Variants in LRP1B observed in about 807,000 individuals in gnomAD.
LRP1B encodes LDL receptor related protein 1B.
In LRP1B, 217 loss-of-function variants were observed where a neutral mutation model predicts 556.6. That is an observed-to-expected ratio of 0.39 (90% CI 0.35 to 0.44). The LOEUF is 0.44. Ranked by LOEUF, LRP1B falls within the 20% of genes least tolerant of loss-of-function variation. LRP1B has a pLI of 1.00. For synonymous variants in LRP1B, 2,047 were observed against 1,865.8 expected (o/e 1.10, Z -2.50); for missense variants, 5,053 against 5,620.8 (o/e 0.90, Z 3.23).
chr2:140,234,640 AT>A, intron 90 of LRP1B, 145 bp downstream of exon 90: 1 of 580,940 alleles, frequency 1.7e-6, no homozygotes, highest in Non-Finnish European at 3.1e-6. Context: ...GACACATAAC[AT>A]AAGCCCCCAA....
At chr2:141,417,675 G>C (rs1413134137) in intron 3 of LRP1B, among the ~76,000 whole-genome samples, 1 of 151,748 alleles carries the variant, frequency 6.6e-6, no homozygotes, top group Non-Finnish European at 1.5e-5. Context: ...GAACATGGGA[G>C]TGCAAATATC....
intron 2 of LRP1B, among the ~76,000 whole-genome samples, chr2:141,510,227 CACACACA>C (rs1684075352): frequency 6.6e-6 from 1 of 150,412 alleles, no homozygotes; most frequent in African/African-American, 2.5e-5. Flanking sequence ...CACACACACA[CACACACA>C]CCCCCCACAG....
rs534405488 is a variant in LRP1B at position 141,565,680 on chromosome 2, C to T, written c.206-85147G>A. On this transcript the variant is annotated intron_variant, in intron 2 of 90. Coordinates refer to ENST00000389484, the MANE Select transcript of LRP1B (RefSeq NM_018557.3). ...TGCACTATTTTGTGCTTTACGCATA[C>T]GCGTATATGAAATGGCAAAATATAT... 1.6e-4 allele frequency among the ~76,000 whole-genome samples: 25 copies of T among 152,276 alleles called. 1 individual carries two copies. The South Asian group carries it at 3.9e-3, about 24-fold the overall frequency.
Position 141,579,228 on chromosome 2 carries a change from T to C in LRP1B, c.206-98695A>G, listed in dbSNP as rs1686867552. On this transcript the variant is annotated intron_variant, in intron 2 of 90. Coordinates refer to ENST00000389484, the MANE Select transcript of LRP1B (RefSeq NM_018557.3). Reference sequence around the variant, plus strand: ...AACAGATTCAGTGAATAATAACTCATTGAAATTGAGGCAGTTACAGTCACA... The same window carrying C: ...AACAGATTCAGTGAATAATAACTCACTGAAATTGAGGCAGTTACAGTCACA... 3.3e-5 allele frequency among the ~76,000 whole-genome samples: 5 copies of C among 152,148 alleles called. No homozygotes were observed. The South Asian group carries it at 1.0e-3, about 32-fold the overall frequency.
At chr2:140,628,795 T>A (rs769746598) in intron 41 of LRP1B, among the ~76,000 whole-genome samples, 3 of 152,116 alleles carry the variant, frequency 2.0e-5, no homozygotes, top group Non-Finnish European at 2.9e-5. Flanking sequence ...GGTGATTGGA[T>A]CATGGAGGTG....
chr2:140,256,190 A>G (rs2104916773), intron 86 of LRP1B, among the ~76,000 whole-genome samples: 1 of 152,126 alleles, frequency 6.6e-6, no homozygotes, highest in South Asian at 2.1e-4. Flanking sequence ...ACCGTATGCA[A>G]GTTTTGGAAT....
chr2:141,278,543 C>T (rs1477150268), intron 3 of LRP1B, among the ~76,000 whole-genome samples: 8 of 152,124 alleles, frequency 5.3e-5, no homozygotes, highest in Admixed American at 6.5e-5. Context: ...GAGTGAATTT[C>T]CTAAGGCTAT....
At chr2:140,729,658 C>T (rs1033829620) in intron 35 of LRP1B, among the ~76,000 whole-genome samples, 5 of 152,126 alleles carry the variant, frequency 3.3e-5, no homozygotes, top group African/African-American at 9.7e-5. Context: ...CAAGAAGCCT[C>T]CTTCAATCTT....
chr2:140,519,375 T>G (rs1371011013), intron 49 of LRP1B, among the ~76,000 whole-genome samples: 1 of 152,190 alleles, frequency 6.6e-6, no homozygotes, highest in African/African-American at 2.4e-5. Flanking sequence ...ATTCTCTATT[T>G]AATAAATGGT....
At chr2:141,750,438 C>T (rs1055901721) in intron 2 of LRP1B, among the ~76,000 whole-genome samples, 1 of 152,098 alleles carries the variant, frequency 6.6e-6, no homozygotes, top group Non-Finnish European at 1.5e-5. Flanking sequence ...AGCTTCTTCC[C>T]TCTGAAACCA....
At chr2:141,022,999 ACTT>A (rs1276479489) in intron 11 of LRP1B, among the ~76,000 whole-genome samples, 1 of 151,840 alleles carries the variant, frequency 6.6e-6, no homozygotes, top group Admixed American at 6.6e-5. Context: ...ACATGTTTGT[ACTT>A]CTTAAGAAAA....
chr2:141,060,384 G>A (rs574736207), intron 8 of LRP1B, among the ~76,000 whole-genome samples: 1 of 151,524 alleles, frequency 6.6e-6, no homozygotes, highest in African/African-American at 2.4e-5. Context: ...TTTATGTGTG[G>A]GTCCAGGCAT....
chr2:141,975,390 C>A (rs1701856739), intron 1 of LRP1B, among the ~76,000 whole-genome samples: 1 of 152,054 alleles, frequency 6.6e-6, no homozygotes, highest in Non-Finnish European at 1.5e-5. Flanking sequence ...AAATTAGCCT[C>A]CTCCTTCATG....
intron 3 of LRP1B, among the ~76,000 whole-genome samples, chr2:141,404,093 C>G (rs1488665229): frequency 6.6e-6 from 1 of 152,102 alleles, no homozygotes; most frequent in Non-Finnish European, 1.5e-5. Context: ...ATCATTAAGT[C>G]ATAAAAAGTT....
chr2:142,078,469 G>A (rs570263440), intron 1 of LRP1B, among the ~76,000 whole-genome samples: 1 of 152,140 alleles, frequency 6.6e-6, no homozygotes, highest in East Asian at 1.9e-4. Flanking sequence ...ACTATCATCT[G>A]TATTAGATTT....
intron 1 of LRP1B, among the ~76,000 whole-genome samples, chr2:142,020,165 T>C (rs1367791032): frequency 6.6e-6 from 1 of 152,086 alleles, no homozygotes; most frequent in Non-Finnish European, 1.5e-5. Flanking sequence ...GTAGATATAA[T>C]CAATCAAGAT....
chr2:140,355,520 A>G (rs1682169896), intron 75 of LRP1B, among the ~76,000 whole-genome samples: 1 of 151,968 alleles, frequency 6.6e-6, no homozygotes, highest in Admixed American at 6.6e-5. Context: ...CATTTAAATA[A>G]TTCCATTTTG....
intron 6 of LRP1B, among the ~76,000 whole-genome samples, chr2:141,210,069 G>A (rs1573655617): frequency 6.8e-6 from 1 of 147,234 alleles, no homozygotes. Context: ...GTTACAGCCT[G>A]AAAAAAAAAA....
intron 35 of LRP1B, among the ~76,000 whole-genome samples, chr2:140,720,171 A>T (rs1687351696): frequency 1.3e-5 from 2 of 152,010 alleles, no homozygotes; most frequent in Admixed American, 1.3e-4. Context: ...TGGAATTCTT[A>T]GTTTGTGCTA....
Sources: allele counts gnomAD v4.1 joint callset (sites outside exome capture counted in the v4.1 genomes callset), GRCh38; gene constraint gnomAD v4.1.1; transcripts MANE v1.5; gene names NCBI Gene and HGNC (gene_info 2026-07-23, HGNC 2026-07-21).